Variants in PRKAG2 observed in about 807,000 individuals in gnomAD.
The protein encoded by PRKAG2 is protein kinase AMP-activated non-catalytic subunit gamma 2.
PRKAG2 carries 26 observed loss-of-function variants against 69.6 expected under a neutral mutation model. The observed-to-expected ratio is 0.37, with a 90% CI of 0.27 to 0.52. The LOEUF is 0.52. Ranked by LOEUF, PRKAG2 falls within the 20% of genes least tolerant of loss-of-function variation. The probability of loss-of-function intolerance (pLI) is 0.90; values close to 1 mark genes in which losing one functional copy is unlikely to be tolerated. For synonymous variants in PRKAG2, 293 were observed against 285.0 expected (o/e 1.03, Z -0.28); for missense variants, 557 against 740.0 (o/e 0.75, Z 2.87).
chr7:151,750,096 CAAAA>C (rs35915808), intron 3 of PRKAG2, among the ~76,000 whole-genome samples: 1 of 63,018 alleles, frequency 1.6e-5, no homozygotes, highest in Non-Finnish European at 3.5e-5. Context: ...GACTCCATCT[CAAAA>C]AAAAAAAAAA....
At chr7:151,623,475 G>A (rs1229286846) in intron 5 of PRKAG2, among the ~76,000 whole-genome samples, 2 of 150,426 alleles carry the variant, frequency 1.3e-5, no homozygotes, top group East Asian at 3.9e-4. Flanking sequence ...TAATGCTGCT[G>A]TTGATCTGAT....
At chr7:151,821,606 ACCATTT>A (rs1245626580) in intron 1 of PRKAG2, among the ~76,000 whole-genome samples, 2 of 136,314 alleles carry the variant, frequency 1.5e-5, no homozygotes, top group Non-Finnish European at 3.4e-5. Context: ...ACTGCACAAA[ACCATTT>A]TTTTTCTACA....
At chr7:151,643,678 A>T (rs535933369) in intron 4 of PRKAG2, among the ~76,000 whole-genome samples, 1 of 152,360 alleles carries the variant, frequency 6.6e-6, no homozygotes, top group East Asian at 1.9e-4. Context: ...AGTGTTACAT[A>T]GCCACTTATG....
rs367933420 is a variant in PRKAG2 at position 151,803,236 on chromosome 7, A to T, written c.115-16695T>A. ...GCCTTCCAAAGTTCTGGGATTATGG[A>T]TGTGAGCCACTGTGCCTGACCTAGA... is the stretch of plus-strand genomic sequence containing the variant. On this transcript the variant is annotated intron_variant, in intron 1 of 15. Coordinates refer to ENST00000287878, the MANE Select transcript of PRKAG2 (RefSeq NM_016203.4). Among the ~76,000 whole-genome samples, 296 of 152,214 alleles carry T rather than the reference A, an allele frequency of 1.9e-3. 3 individuals carry two copies. The Middle Eastern group carries it at 0.02, about 10-fold the overall frequency.
intron 1 of PRKAG2, among the ~76,000 whole-genome samples, chr7:151,834,231 T>C (rs1406348620): frequency 6.6e-6 from 1 of 152,212 alleles, no homozygotes; most frequent in African/African-American, 2.4e-5. Context: ...TTGGTGATCA[T>C]GATTTGTCTT....
chr7:151,775,029 G>GTCT (rs2076269171), intron 3 of PRKAG2, among the ~76,000 whole-genome samples: 1 of 152,206 alleles, frequency 6.6e-6, no homozygotes, highest in Non-Finnish European at 1.5e-5. Context: ...CCTCCTTAAT[G>GTCT]TCAAGGCTGG....
chr7:151,856,543 A>G lies in PRKAG2; in HGVS notation c.114+19964T>C, dbSNP rs149598525. Among the ~76,000 whole-genome samples, 363 of 152,366 alleles carry G rather than the reference A, an allele frequency of 2.4e-3. 1 individual carries two copies. Among genetic ancestry groups the G allele is most frequent in the African/African-American group, 8.1e-3 (338 of 41,592 alleles). On this transcript the variant is annotated intron_variant, in intron 1 of 15. Transcript: ENST00000287878. ...TTCAATTGGCCTCGCCGTGGCCCTT[A>G]GGCAAACAACTCATTCTATCTGAGC...
At chr7:151,776,191 G>C (rs984392059) in intron 3 of PRKAG2, among the ~76,000 whole-genome samples, 1 of 152,170 alleles carries the variant, frequency 6.6e-6, no homozygotes, top group African/African-American at 2.4e-5. Context: ...TGGGGACCAG[G>C]CTTGCTCTGT....
intron 4 of PRKAG2, among the ~76,000 whole-genome samples, chr7:151,663,141 G>A (rs1423535804): frequency 6.6e-6 from 1 of 152,152 alleles, no homozygotes; most frequent in East Asian, 1.9e-4. Context: ...ATCATGGCAA[G>A]GGAGGGAAGG....
chr7:151,581,773 GGTTTAA>G (rs1373140244), intron 6 of PRKAG2, among the ~76,000 whole-genome samples: 40 of 151,962 alleles, frequency 2.6e-4, no homozygotes, highest in African/African-American at 4.6e-4. Context: ...CAAAAGCAGG[GGTTTAA>G]GTTTAACACT....
At chr7:151,641,812 A>G (rs1483422615) in intron 4 of PRKAG2, among the ~76,000 whole-genome samples, 2 of 152,110 alleles carry the variant, frequency 1.3e-5, no homozygotes, top group African/African-American at 2.4e-5. Flanking sequence ...CACCTGGCCA[A>G]TTTTAGTTTC....
intron 3 of PRKAG2, chr7:151,736,520 G>A: frequency 8.4e-6 from 5 of 594,898 alleles, no homozygotes; most frequent in Non-Finnish European, 1.1e-5. Flanking sequence ...AAACCACCCT[G>A]GGCAGACAAT....
chr7:151,779,998 G>A (rs374727025), intron 3 of PRKAG2, among the ~76,000 whole-genome samples: 5 of 152,342 alleles, frequency 3.3e-5, no homozygotes, highest in African/African-American at 9.6e-5. Context: ...AGTGAGGGGT[G>A]TGTGTAGAGC....
In PRKAG2 at chr7:151,604,947, G is replaced by A. The variant is rs547394163; in HGVS notation, c.755-9493C>T. Among the ~76,000 whole-genome samples the A allele has an allele frequency of 1.5e-4, 23 of 152,260 alleles. 1 individual carries two copies. The South Asian group carries it at 4.6e-3, about 30-fold the overall frequency. The stretch of plus-strand genomic sequence containing the variant: ...ACCTCTGTAACTGGGTTCCAGGTTT[G>A]GGGGAGGATCTACGACATTTTTTAA... On this transcript the variant is annotated intron_variant, in intron 5 of 15. Coordinates refer to ENST00000287878, the MANE Select transcript of PRKAG2 (RefSeq NM_016203.4).
At chr7:151,859,915 G>T (rs1405642727) in intron 1 of PRKAG2, among the ~76,000 whole-genome samples, 1 of 152,194 alleles carries the variant, frequency 6.6e-6, no homozygotes, top group African/African-American at 2.4e-5. Context: ...AGTCACCTGA[G>T]TCCATGCCGC....
intron 3 of PRKAG2, among the ~76,000 whole-genome samples, chr7:151,683,921 G>A (rs1267189245): frequency 6.6e-6 from 1 of 152,158 alleles, no homozygotes; most frequent in African/African-American, 2.4e-5. Flanking sequence ...TTCTCAAGGA[G>A]CAAACCCACT....
intron 2 of PRKAG2, among the ~76,000 whole-genome samples, chr7:151,782,809 G>T (rs1400751646): frequency 6.6e-6 from 1 of 152,216 alleles, no homozygotes; most frequent in Non-Finnish European, 1.5e-5. Context: ...CACACGGTGC[G>T]TGGTAAACAG....
At chr7:151,598,860 T>A (rs1815290798) in intron 5 of PRKAG2, among the ~76,000 whole-genome samples, 1 of 151,950 alleles carries the variant, frequency 6.6e-6, no homozygotes, top group African/African-American at 2.4e-5. Context: ...TTATGTATTT[T>A]TTTTTTTTGA....
At chr7:151,716,049 T>C (rs1796135530) in intron 3 of PRKAG2, among the ~76,000 whole-genome samples, 1 of 152,096 alleles carries the variant, frequency 6.6e-6, no homozygotes, top group Non-Finnish European at 1.5e-5. Flanking sequence ...CGATTGCCCT[T>C]GAGTTTGTAG....
Sources: gnomAD v4.1 joint callset for allele counts (sites outside exome capture counted in the v4.1 genomes callset) on GRCh38, gnomAD v4.1.1 for gene constraint, MANE v1.5 for transcripts, NCBI Gene and HGNC (gene_info 2026-07-23, HGNC 2026-07-21) for gene names.